Variants in CNTNAP5 observed in about 807,000 individuals in gnomAD.
CNTNAP5 encodes contactin-associated protein-like 5.
A neutral mutation model predicts 150.2 loss-of-function variants in CNTNAP5; 72 were observed. The observed-to-expected ratio is 0.48, with a 90% CI of 0.40 to 0.58. The LOEUF (loss-of-function observed/expected upper bound fraction) is 0.58, where lower values mean the gene tolerates loss of function less well. Ranked by LOEUF, CNTNAP5 falls within the 20% of genes least tolerant of loss-of-function variation. The pLI is 0.00. For missense variants in CNTNAP5, 1,636 were observed against 1,626.2 expected (o/e 1.01, Z -0.10); for synonymous variants, 672 against 619.8 (o/e 1.08, Z -1.25).
At chr2:124,357,239 T>C (rs1036864777) in intron 3 of CNTNAP5, among the ~76,000 whole-genome samples, 5 of 152,346 alleles carry the variant, frequency 3.3e-5, no homozygotes, top group African/African-American at 1.2e-4. Context: ...ACGAAAATTT[T>C]CTCCCACTTT....
intron 13 of CNTNAP5, among the ~76,000 whole-genome samples, chr2:124,734,100 C>G (rs930424192): frequency 8.6e-5 from 13 of 151,972 alleles, no homozygotes; most frequent in African/African-American, 3.1e-4. Context: ...AGCTGGAGAA[C>G]CAAGACTTTT....
At chr2:124,273,310 A>G (rs1450612344) in intron 3 of CNTNAP5, among the ~76,000 whole-genome samples, 1 of 152,196 alleles carries the variant, frequency 6.6e-6, no homozygotes. Context: ...AATTAAAAGC[A>G]ATTATCCAAG....
chr2:124,039,495 G>A (rs1681309213), intron 1 of CNTNAP5, among the ~76,000 whole-genome samples: 2 of 152,130 alleles, frequency 1.3e-5, no homozygotes, highest in Admixed American at 1.3e-4. Flanking sequence ...GAAATAAATG[G>A]ACCTTTGGGC....
intron 3 of CNTNAP5, among the ~76,000 whole-genome samples, chr2:124,362,138 A>T (rs546762722): frequency 6.6e-6 from 1 of 152,186 alleles, no homozygotes; most frequent in African/African-American, 2.4e-5. Flanking sequence ...TGCGCTTCCC[A>T]AGTGAGGCAA....
At chr2:124,766,347 G>C (rs1168395906) in intron 16 of CNTNAP5, among the ~76,000 whole-genome samples, 1 of 151,366 alleles carries the variant, frequency 6.6e-6, no homozygotes, top group Non-Finnish European at 1.5e-5. Flanking sequence ...ACCCTTGAAA[G>C]CATAAGTCAT....
intron 13 of CNTNAP5, among the ~76,000 whole-genome samples, chr2:124,653,351 C>T (rs1399078647): frequency 1.3e-5 from 2 of 151,396 alleles, no homozygotes; most frequent in Non-Finnish European, 2.9e-5. Context: ...ATAATCTAGA[C>T]TATATAATAC....
At chr2:124,073,152 C>A (rs1682351170) in intron 1 of CNTNAP5, among the ~76,000 whole-genome samples, 1 of 151,998 alleles carries the variant, frequency 6.6e-6, no homozygotes, top group African/African-American at 2.4e-5. Context: ...AACTGGACAT[C>A]CACATGCAGA....
chr2:124,486,305 G>T (rs1022080201), intron 7 of CNTNAP5, among the ~76,000 whole-genome samples: 1 of 152,274 alleles, frequency 6.6e-6, no homozygotes, highest in South Asian at 2.1e-4. Flanking sequence ...CTTGTGGGGA[G>T]GGTGGCTGGA....
At chr2:124,272,907 T>C (rs984159993) in intron 3 of CNTNAP5, among the ~76,000 whole-genome samples, 3 of 152,236 alleles carry the variant, frequency 2.0e-5, no homozygotes, top group Non-Finnish European at 2.9e-5. Flanking sequence ...CTAAAAACTA[T>C]GTCTAACTAT....
chr2:124,681,948 C>T (rs535779239), intron 13 of CNTNAP5, among the ~76,000 whole-genome samples: 1 of 152,104 alleles, frequency 6.6e-6, no homozygotes, highest in African/African-American at 2.4e-5. Context: ...TAGTGGCCAG[C>T]CAATGAGTGG....
chr2:124,868,007 C>T (rs1677667566), intron 20 of CNTNAP5, among the ~76,000 whole-genome samples: 1 of 152,146 alleles, frequency 6.6e-6, no homozygotes. Context: ...TGGTATTCTC[C>T]TTTTATCTCT....
chr2:124,394,180 T>C (rs766802708), intron 3 of CNTNAP5, among the ~76,000 whole-genome samples: 1 of 151,962 alleles, frequency 6.6e-6, no homozygotes, highest in African/African-American at 2.4e-5. Context: ...AAGACTAGCC[T>C]GGCCAGCATG....
At chr2:124,104,124 T>C (rs956139723) in intron 1 of CNTNAP5, among the ~76,000 whole-genome samples, 20 of 151,058 alleles carry the variant, frequency 1.3e-4, no homozygotes, top group African/African-American at 4.6e-4. Context: ...TACTACCTCA[T>C]TTCTCAACTT....
intron 3 of CNTNAP5, among the ~76,000 whole-genome samples, chr2:124,357,082 C>G (rs1166441373): frequency 6.6e-6 from 1 of 152,026 alleles, no homozygotes; most frequent in Non-Finnish European, 1.5e-5. Flanking sequence ...TTTTCATGTG[C>G]TTTTGGCTGC....
rs1687466858 is a variant in CNTNAP5 at position 124,261,856 on chromosome 2, A to G, written c.381+19463A>G. Among the ~76,000 whole-genome samples the G allele has an allele frequency of 2.0e-5, 3 of 152,006 alleles. No individual in the cohort carries two copies. In the South Asian group the frequency reaches 6.2e-4, roughly 31 times the overall value. Reference sequence around the variant, plus strand: ...GGTTCAACGCTAGCAGGATTTTCCAATTGAAGGGGTCAAGGAAACATGTGC... The same window carrying G: ...GGTTCAACGCTAGCAGGATTTTCCAGTTGAAGGGGTCAAGGAAACATGTGC... On this transcript the variant is annotated intron_variant, in intron 3 of 23. Transcript: ENST00000682447.
intron 4 of CNTNAP5, among the ~76,000 whole-genome samples, chr2:124,421,623 A>G (rs190613905): frequency 1.3e-5 from 2 of 152,244 alleles, no homozygotes; most frequent in African/African-American, 4.8e-5. Context: ...CCCCAAAACC[A>G]TCTTTTACAC....
intron 11 of CNTNAP5, among the ~76,000 whole-genome samples, chr2:124,609,550 G>C (rs1044999076): frequency 1.2e-4 from 18 of 152,084 alleles, no homozygotes; most frequent in African/African-American, 4.3e-4. Context: ...CGTGAGCCGT[G>C]ATCGTGCTAC....
chr2:124,677,034 T>C (rs1304356489), intron 13 of CNTNAP5, among the ~76,000 whole-genome samples: 2 of 152,180 alleles, frequency 1.3e-5, no homozygotes, highest in African/African-American at 4.8e-5. Context: ...TCTGGTGGGT[T>C]CTTGGTCTCA....
chr2:124,062,006 G>A (rs1251263523), intron 1 of CNTNAP5, among the ~76,000 whole-genome samples: 1 of 152,066 alleles, frequency 6.6e-6, no homozygotes, highest in Non-Finnish European at 1.5e-5. Flanking sequence ...GATATTCCAG[G>A]GATTTTTCAT....
Sources: gnomAD v4.1 joint callset for allele counts (sites outside exome capture counted in the v4.1 genomes callset) on GRCh38, gnomAD v4.1.1 for gene constraint, MANE v1.5 for transcripts, NCBI Gene and HGNC (gene_info 2026-07-23, HGNC 2026-07-21) for gene names.